The following ZNF676 variants were observed in gnomAD, a reference collection of about 807,000 sequenced individuals.
ZNF676 encodes the protein zinc finger protein 676.
In ZNF676, 4 loss-of-function variants were observed where a neutral mutation model predicts 6.0. The ratio of observed to expected loss-of-function variants is 0.67; its 90% CI spans 0.33 to 1.53. ZNF676 has a LOEUF of 1.53. Among genes scored for constraint, ZNF676 ranks in the 40% most tolerant of loss-of-function variants. The pLI is 0.06. For synonymous variants in ZNF676, 198 were observed against 223.1 expected, an observed-to-expected ratio of 0.89 and a Z score of 1.00; for missense variants, 644 against 679.7, an observed-to-expected ratio of 0.95 and a Z score of 0.58.
chr19:22,223,523 T>C, the ZNF676 span, among the ~76,000 whole-genome samples: 1 of 151,888 alleles, frequency 6.6e-6, no homozygotes, highest in Non-Finnish European at 1.5e-5. Flanking sequence ...CCTTTTTTTT[T>C]TTTTTAAATT....
intron 2 of ZNF676, among the ~76,000 whole-genome samples, chr19:22,183,173 C>T (rs567571794): frequency 1.1e-4 from 16 of 151,148 alleles, no homozygotes; most frequent in Admixed American, 4.6e-4. Context: ...CATATCAATA[C>T]GAAAACCAGA....
intron 1 of ZNF676, among the ~76,000 whole-genome samples, chr19:22,212,750 A>C (rs1272135066): frequency 1.3e-5 from 2 of 152,030 alleles, no homozygotes; most frequent in Non-Finnish European, 2.9e-5. Flanking sequence ...TAATCCCAGC[A>C]CTTTGGGAGG....
the ZNF676 span, among the ~76,000 whole-genome samples, chr19:22,256,294 G>A: frequency 6.6e-6 from 1 of 152,144 alleles, no homozygotes; most frequent in African/African-American, 2.4e-5. Flanking sequence ...TCACCTGAGT[G>A]CTTGGCCAGA....
At chr19:22,196,088 A>G (rs1202159469) in intron 1 of ZNF676, among the ~76,000 whole-genome samples, 1 of 152,154 alleles carries the variant, frequency 6.6e-6, no homozygotes, top group Non-Finnish European at 1.5e-5. Context: ...CCTTACGTTT[A>G]TTTGATTAAT....
the ZNF676 span, among the ~76,000 whole-genome samples, chr19:22,247,314 AG>A: frequency 7.9e-5 from 12 of 152,130 alleles, no homozygotes; most frequent in African/African-American, 2.9e-4. Flanking sequence ...CAGTAATCCC[AG>A]CACTCTGGGA....
intron 1 of ZNF676, among the ~76,000 whole-genome samples, chr19:22,207,660 G>C (rs12609320): frequency 0.23 from 34,211 of 151,958 alleles, 4,330 homozygotes; most frequent in South Asian, 0.42. Context: ...GCAAAAACAA[G>C]AAAGCTGGAG....
chr19:22,210,472 T>A (rs1388058286), intron 1 of ZNF676, among the ~76,000 whole-genome samples: 1 of 152,206 alleles, frequency 6.6e-6, no homozygotes, highest in Admixed American at 6.5e-5. Flanking sequence ...ACACTGTAGT[T>A]ATATTCACTG....
the ZNF676 span, chr19:22,259,934 C>A: frequency 4.6e-5 from 7 of 152,172 alleles, no homozygotes; most frequent in African/African-American, 1.2e-4. Flanking sequence ...GTAGGTAGTG[C>A]CAAGGCAGGA....
At chr19:22,189,126 CAA>C (rs1260762997) in intron 2 of ZNF676, among the ~76,000 whole-genome samples, 1 of 152,028 alleles carries the variant, frequency 6.6e-6, no homozygotes, top group Non-Finnish European at 1.5e-5. Flanking sequence ...CTACAGTAAC[CAA>C]AACAGTATGG....
intron 2 of ZNF676, among the ~76,000 whole-genome samples, chr19:22,186,007 T>G (rs907720772): frequency 1.3e-5 from 2 of 151,980 alleles, no homozygotes; most frequent in Non-Finnish European, 2.9e-5. Flanking sequence ...CAGGCCAACA[T>G]TCAAATTCAG....
upstream of ZNF676, among the ~76,000 whole-genome samples, chr19:22,199,143 TA>T (rs370882126): frequency 1.0e-3 from 156 of 152,302 alleles, no homozygotes; most frequent in African/African-American, 3.7e-3. Context: ...AAGGAGCTTA[TA>T]AATGACTTGG....
chr19:22,192,667 A>T (rs1265167841), intron 2 of ZNF676, among the ~76,000 whole-genome samples: 1 of 152,144 alleles, frequency 6.6e-6, no homozygotes, highest in Non-Finnish European at 1.5e-5. Context: ...GGAAAAAGAG[A>T]ACTTAAAAGA....
chr19:22,250,271 T>C, the ZNF676 span, among the ~76,000 whole-genome samples: 9 of 152,202 alleles, frequency 5.9e-5, 1 homozygote, highest in East Asian at 1.7e-3. Context: ...ACAAGATTTT[T>C]ATATTATATT....
At chr19:22,208,586 G>A (rs2024098557) in intron 1 of ZNF676, among the ~76,000 whole-genome samples, 1 of 152,138 alleles carries the variant, frequency 6.6e-6, no homozygotes, top group East Asian at 1.9e-4. Flanking sequence ...ATTCGTTGCA[G>A]TACTATTCAC....
chr19:22,258,013 GA>G, the ZNF676 span, among the ~76,000 whole-genome samples: 2 of 152,010 alleles, frequency 1.3e-5, no homozygotes, highest in East Asian at 1.9e-4. Flanking sequence ...GGACAGGACT[GA>G]AAAAAAGACT....
At chr19:22,184,389 A>T (rs1032006170) in intron 2 of ZNF676, among the ~76,000 whole-genome samples, 1 of 152,158 alleles carries the variant, frequency 6.6e-6, no homozygotes, top group Non-Finnish European at 1.5e-5. Flanking sequence ...TCTGGTGCCT[A>T]TGACACCAGG....
chr19:22,250,732 GAC>G, the ZNF676 span, among the ~76,000 whole-genome samples: 1 of 148,252 alleles, frequency 6.7e-6, no homozygotes, highest in Admixed American at 6.7e-5. Context: ...TTTTTTTTAA[GAC>G]AGAGTTTCCT....
the ZNF676 span, among the ~76,000 whole-genome samples, chr19:22,222,531 G>A: frequency 2.0e-5 from 3 of 152,124 alleles, no homozygotes; most frequent in Non-Finnish European, 4.4e-5. Context: ...CTTCTGCCAT[G>A]TACTTCCAGG....
chr19:22,234,683 CAGCACTTTGGGA>C, the ZNF676 span, among the ~76,000 whole-genome samples: 1 of 152,126 alleles, frequency 6.6e-6, no homozygotes, highest in Non-Finnish European at 1.5e-5. Context: ...CCTGTAATCC[CAGCACTTTGGGA>C]AGCCGAGGCA....
Sources: allele counts gnomAD v4.1 joint callset (sites outside exome capture counted in the v4.1 genomes callset), GRCh38; gene constraint gnomAD v4.1.1; transcripts MANE v1.5; gene names NCBI Gene and HGNC (gene_info 2026-07-23, HGNC 2026-07-21).